ZNF75D: variants seen among roughly 807,000 people sequenced by gnomAD.
ZNF75D encodes the protein zinc finger protein 75D.
In ZNF75D, 33 loss-of-function variants were observed where a neutral mutation model predicts 33.3. The ratio of observed to expected loss-of-function variants is 0.99; its 90% CI spans 0.75 to 1.32. The LOEUF (loss-of-function observed/expected upper bound fraction) is 1.32, where lower values mean the gene tolerates loss of function less well. Among genes scored for constraint, ZNF75D ranks in the 40% most tolerant of loss-of-function variants. ZNF75D has a pLI of 0.00. For synonymous variants in ZNF75D, 113 were observed against 130.6 expected, an observed-to-expected ratio of 0.87 and a Z score of 0.92; for missense variants, 338 against 367.5, an observed-to-expected ratio of 0.92 and a Z score of 0.66.
intron 1 of ZNF75D, among the ~76,000 whole-genome samples, 165 bp from the exon 2 acceptor site, chrX:135,296,204 T>G (rs1239723972): frequency 1.8e-5 from 2 of 111,051 alleles, no homozygotes; most frequent in African/African-American, 6.6e-5. Flanking sequence ...CTGCTCCAGT[T>G]AGGTCCTGGA....
At chrX:135,262,315 A>G (rs1556415683) in intron 1 of ZNF75D, among the ~76,000 whole-genome samples, 1 of 111,307 alleles carries the variant, frequency 9.0e-6, no homozygotes, top group African/African-American at 3.3e-5. Context: ...TGTTCTCTGT[A>G]TTTCCTGAAT....
chrX:135,273,320 A>G (rs1330999788), intron 1 of ZNF75D, among the ~76,000 whole-genome samples: 2 of 111,220 alleles, frequency 1.8e-5, no homozygotes, highest in African/African-American at 6.5e-5. Flanking sequence ...TAATTGTGGA[A>G]CAGCTCAGGG....
intron 1 of ZNF75D, among the ~76,000 whole-genome samples, chrX:135,272,910 A>G (rs1338429705): frequency 4.5e-5 from 5 of 111,722 alleles, no homozygotes; most frequent in African/African-American, 1.6e-4. Flanking sequence ...ACCCCAGAAA[A>G]TGTTGTAATC....
intron 1 of ZNF75D, among the ~76,000 whole-genome samples, chrX:135,266,444 G>A (rs782563210): frequency 1.8e-5 from 2 of 111,301 alleles, no homozygotes; most frequent in South Asian, 3.8e-4. Flanking sequence ...GATATTCCAC[G>A]CCAGTTGAAG....
intron 1 of ZNF75D, among the ~76,000 whole-genome samples, chrX:135,301,737 G>A (rs1235090327): frequency 1.8e-5 from 2 of 112,055 alleles, no homozygotes; most frequent in Non-Finnish European, 3.8e-5. Flanking sequence ...CAGGCACACG[G>A]TACAAGCTGT....
At chrX:135,266,799 C>T (rs1556416362) in intron 1 of ZNF75D, among the ~76,000 whole-genome samples, 1 of 111,957 alleles carries the variant, frequency 8.9e-6, no homozygotes, top group Non-Finnish European at 1.9e-5. Context: ...ATTTACAGAA[C>T]ATTTCATCCA....
intron 1 of ZNF75D, among the ~76,000 whole-genome samples, chrX:135,258,792 A>C (rs2083823348): frequency 8.9e-6 from 1 of 111,841 alleles, no homozygotes; most frequent in Non-Finnish European, 1.9e-5. Flanking sequence ...GAAGCTCTTT[A>C]GTTTAATTAA....
intron 1 of ZNF75D, among the ~76,000 whole-genome samples, chrX:135,311,702 C>A (rs1239394490): frequency 1.8e-5 from 2 of 111,949 alleles, no homozygotes; most frequent in African/African-American, 3.3e-5. Flanking sequence ...TCTCCCCTCA[C>A]TGTTCCAGGC....
rs1225810719 is a variant in ZNF75D, at chrX:135,270,764, A to T, written n.828-14987T>A. On this transcript the variant is annotated intron_variant and non_coding_transcript_variant, in intron 1 of 3. Transcript: ENST00000494295. ...TCTGGATCCCTCACCCATTCAGGAC[A>T]GTGACCCCTTCTCAACTCCCACTCT... 2.7e-5 allele frequency among the ~76,000 whole-genome samples: 3 copies of T among 111,154 alleles called. No individual in the cohort carries two copies. In the East Asian group the frequency reaches 8.5e-4, roughly 32 times the overall value.
At chrX:135,265,219 CAA>C (rs559739170) in intron 1 of ZNF75D, among the ~76,000 whole-genome samples, 139 of 48,635 alleles carry the variant, frequency 2.9e-3, no homozygotes, top group East Asian at 5.6e-3. Context: ...AACTCTGTCT[CAA>C]AAAAAAAAAA....
chrX:135,305,447 A>C (rs1386709333), intron 1 of ZNF75D, among the ~76,000 whole-genome samples: 1 of 112,064 alleles, frequency 8.9e-6, no homozygotes, highest in Non-Finnish European at 1.9e-5. Flanking sequence ...TTGCACCAAC[A>C]GCCAAAAGAC....
downstream of ZNF75D, among the ~76,000 whole-genome samples, chrX:135,282,961 C>T (rs2083926176): frequency 8.9e-6 from 1 of 111,968 alleles, no homozygotes; most frequent in Non-Finnish European, 1.9e-5. Flanking sequence ...CAAAATCATA[C>T]ATTTATGGTC....
chrX:135,273,495 C>T (rs2083890136), intron 1 of ZNF75D, among the ~76,000 whole-genome samples: 1 of 111,302 alleles, frequency 9.0e-6, no homozygotes, highest in Admixed American at 9.5e-5. Flanking sequence ...TCTAGTGGAA[C>T]AGAAAGCATG....
intron 1 of ZNF75D, among the ~76,000 whole-genome samples, chrX:135,340,628 G>T (rs1189185205): frequency 2.7e-5 from 3 of 112,137 alleles, no homozygotes; most frequent in African/African-American, 9.7e-5. Flanking sequence ...CTCTGTGAGT[G>T]TGTGTTTATG....
intron 1 of ZNF75D, among the ~76,000 whole-genome samples, chrX:135,339,902 CT>C (rs1332540443): frequency 3.1e-4 from 35 of 112,030 alleles, no homozygotes; most frequent in African/African-American, 1.0e-3. Context: ...CTGAACTTCT[CT>C]CCATACACAG....
At chrX:135,327,673 G>T (rs2084599127) in intron 1 of ZNF75D, 1 of 111,676 alleles carries the variant, frequency 9.0e-6, no homozygotes, top group African/African-American at 3.3e-5. Flanking sequence ...CTGTTAACAG[G>T]CCAAGAACAC....
At chrX:135,280,891 T>C (rs1157090502), downstream of ZNF75D, among the ~76,000 whole-genome samples, 2 of 112,062 alleles carry the variant, frequency 1.8e-5, no homozygotes, top group Non-Finnish European at 3.8e-5. Context: ...TTGTGGGTAG[T>C]CCGACCTTTC....
chrX:135,321,520 G>A (rs1284008956), intron 1 of ZNF75D, among the ~76,000 whole-genome samples: 2 of 111,764 alleles, frequency 1.8e-5, no homozygotes, highest in Non-Finnish European at 3.8e-5. Context: ...GCACAGTGGA[G>A]GGATTTGGGA....
chrX:135,307,984 G>C (rs1298761427), intron 1 of ZNF75D, among the ~76,000 whole-genome samples: 1 of 112,479 alleles, frequency 8.9e-6, no homozygotes, highest in Non-Finnish European at 1.9e-5. Context: ...TTTTAATGAA[G>C]GGATTTTGCA....
Sources: gnomAD v4.1 joint callset for allele counts (sites outside exome capture counted in the v4.1 genomes callset) on GRCh38, gnomAD v4.1.1 for gene constraint, MANE v1.5 for transcripts, NCBI Gene and HGNC (gene_info 2026-07-23, HGNC 2026-07-21) for gene names.